PDSS2: variants seen among roughly 807,000 people sequenced by gnomAD.
PDSS2 encodes all trans-polyprenyl-diphosphate synthase PDSS2.
In PDSS2, 31 loss-of-function variants were observed where a neutral mutation model predicts 44.5. That is an observed-to-expected ratio of 0.70 (90% CI 0.52 to 0.94). The LOEUF (loss-of-function observed/expected upper bound fraction) is 0.94, where lower values mean the gene tolerates loss of function less well. Ranked by LOEUF, PDSS2 falls within the 40% of genes least tolerant of loss-of-function variation. PDSS2 has a pLI of 0.00. For missense variants in PDSS2, 452 were observed against 482.2 expected (o/e 0.94, Z 0.59); for synonymous variants, 157 against 180.3 (o/e 0.87, Z 1.03).
At chr6:107,294,538 T>C (rs1363958774) in intron 2 of PDSS2, among the ~76,000 whole-genome samples, 2 of 152,094 alleles carry the variant, frequency 1.3e-5, no homozygotes, top group African/African-American at 4.8e-5. Flanking sequence ...CATGGCACTC[T>C]GTACTAGGCT....
chr6:107,251,030 A>G (rs1404257926), intron 3 of PDSS2, among the ~76,000 whole-genome samples: 1 of 151,980 alleles, frequency 6.6e-6, no homozygotes, highest in Non-Finnish European at 1.5e-5. Flanking sequence ...TAATTTTTGT[A>G]TTTTTAGTAG....
chr6:107,254,503 C>A (rs902583590), intron 3 of PDSS2, among the ~76,000 whole-genome samples: 1 of 152,106 alleles, frequency 6.6e-6, no homozygotes, highest in Non-Finnish European at 1.5e-5. Context: ...AAACAAGCAA[C>A]GTAAAACTGA....
At position 107,459,021 on chromosome 6, in the gene PDSS2, C is replaced by A; in HGVS notation, c.265G>T (p.Gly89Cys). ...GTGGTAAGCAGAGGGTGCTGAGTGCCCACCAGCTTCCGCACCTGCATAGCG... is the reference window on the plus strand; with the variant it reads ...GTGGTAAGCAGAGGGTGCTGAGTGCACACCAGCTTCCGCACCTGCATAGCG... ...NIAMQVRKLV[G>C]TQHPLLTTAR... The change falls in exon 1 of 8, where the codon GGC becomes TGC. Residue 89 changes from glycine to cysteine, a missense_variant. Transcript: ENST00000369037. This position sits in a 1 kb window ranked among gnomAD's most constrained non-coding sequence, Gnocchi z 4.3. The A allele has an allele frequency of 6.2e-7, 1 of 1,614,072 alleles. No homozygotes were observed. Among genetic ancestry groups the A allele is most frequent in the East Asian group, 2.2e-5 (1 of 44,878 alleles).
At chr6:107,445,106 C>T (rs1781628394) in intron 1 of PDSS2, among the ~76,000 whole-genome samples, 1 of 151,666 alleles carries the variant, frequency 6.6e-6, no homozygotes, top group Non-Finnish European at 1.5e-5. Flanking sequence ...TGTGAAACAA[C>T]TAAAAGTACT....
intron 2 of PDSS2, among the ~76,000 whole-genome samples, chr6:107,302,209 G>A (rs1776718931): frequency 6.6e-6 from 1 of 151,772 alleles, no homozygotes; most frequent in South Asian, 2.1e-4. Flanking sequence ...GGTAGTAAGA[G>A]TATTTTGTAG....
intron 1 of PDSS2, among the ~76,000 whole-genome samples, chr6:107,354,059 GAATTT>G (rs1291218896): frequency 6.6e-6 from 1 of 152,066 alleles, no homozygotes; most frequent in Non-Finnish European, 1.5e-5. Flanking sequence ...ACTATTTAAT[GAATTT>G]AATATACTAA....
At chr6:107,176,536 A>G (rs1771795831) in intron 7 of PDSS2, among the ~76,000 whole-genome samples, 1 of 151,904 alleles carries the variant, frequency 6.6e-6, no homozygotes, top group African/African-American at 2.4e-5. Context: ...CTAATTTAAA[A>G]CTGTATGGCT....
intron 7 of PDSS2, among the ~76,000 whole-genome samples, chr6:107,187,349 G>C (rs771936429): frequency 1.3e-5 from 2 of 152,132 alleles, no homozygotes; most frequent in Non-Finnish European, 2.9e-5. Flanking sequence ...GCAACTTTGG[G>C]ATGGAATGTA....
chr6:107,447,331 G>A lies in PDSS2; in HGVS notation c.296+11659C>T, dbSNP rs142973154. Among the ~76,000 whole-genome samples the A allele has an allele frequency of 1.2e-3, 184 of 151,972 alleles. 3 individuals carry two copies. The highest frequency in any genetic ancestry group is 4.0e-3 in the African/African-American group (164 of 41,454). ...AGCCTGGGCGACAGAGTGAGAATCC[G>A]TCAAAAAGCAAAACAAAAAAAAATC... On this transcript the variant is annotated intron_variant, in intron 1 of 7. Transcript: ENST00000369037.
intron 1 of PDSS2, among the ~76,000 whole-genome samples, chr6:107,432,413 A>ACATGTGAAATTGTATGAT (rs1781219175): frequency 6.6e-6 from 1 of 152,228 alleles, no homozygotes; most frequent in East Asian, 1.9e-4. Flanking sequence ...ATTTCTCAAT[A>ACATGTGAAATTGTATGAT]CATGCATACA....
chr6:107,354,839 T>C (rs1778544947), intron 1 of PDSS2, among the ~76,000 whole-genome samples: 1 of 152,240 alleles, frequency 6.6e-6, no homozygotes, highest in South Asian at 2.1e-4. Flanking sequence ...TGCAAAATAA[T>C]ATTTGGTAAA....
chr6:107,253,069 T>C (rs984602935), intron 3 of PDSS2, among the ~76,000 whole-genome samples: 2 of 152,364 alleles, frequency 1.3e-5, no homozygotes, highest in East Asian at 1.9e-4. Flanking sequence ...AGAGTCTCGC[T>C]CTGTCACCCA....
chr6:107,450,367 G>A (rs1365462507), intron 1 of PDSS2, among the ~76,000 whole-genome samples: 2 of 152,188 alleles, frequency 1.3e-5, no homozygotes, highest in Non-Finnish European at 2.9e-5. Flanking sequence ...GGGGAAGAAT[G>A]TTGAGGAATC....
chr6:107,330,306 C>A (rs911225238), intron 2 of PDSS2, among the ~76,000 whole-genome samples: 1 of 152,118 alleles, frequency 6.6e-6, no homozygotes, highest in African/African-American at 2.4e-5. Context: ...TGGCCAGCCA[C>A]CTGCATGGGA....
intron 7 of PDSS2, among the ~76,000 whole-genome samples, chr6:107,180,367 C>G (rs1465381572): frequency 6.6e-6 from 1 of 152,198 alleles, no homozygotes; most frequent in Non-Finnish European, 1.5e-5. Flanking sequence ...AATTGAATCT[C>G]TCTGCCTCAA....
intron 3 of PDSS2, among the ~76,000 whole-genome samples, chr6:107,255,573 T>C (rs1774987957): frequency 6.9e-6 from 1 of 144,162 alleles, no homozygotes. Flanking sequence ...CACTCCAGCT[T>C]GGGCAACAAG....
intron 3 of PDSS2, among the ~76,000 whole-genome samples, chr6:107,257,711 C>T (rs1348812530): frequency 6.6e-6 from 1 of 151,998 alleles, no homozygotes; most frequent in Non-Finnish European, 1.5e-5. Context: ...CCTCCACCTG[C>T]CAGGTTTAGC....
chr6:107,436,379 T>C (rs1038932894), intron 1 of PDSS2, among the ~76,000 whole-genome samples: 1 of 152,146 alleles, frequency 6.6e-6, no homozygotes, highest in African/African-American at 2.4e-5. Flanking sequence ...ATTATAGTAC[T>C]TAAAAACCTA....
chr6:107,215,711 G>C (rs931409943), intron 4 of PDSS2, among the ~76,000 whole-genome samples: 4 of 152,188 alleles, frequency 2.6e-5, no homozygotes, highest in Non-Finnish European at 5.9e-5. Context: ...AGGTAGCAGT[G>C]TCTAAAATTA....
Sources: allele counts gnomAD v4.1 joint callset (sites outside exome capture counted in the v4.1 genomes callset), GRCh38; gene constraint gnomAD v4.1.1; non-coding constraint Gnocchi (gnomAD v3.1); transcripts MANE v1.5; gene names NCBI Gene and HGNC (gene_info 2026-07-23, HGNC 2026-07-21).